GRIK4: variants seen among roughly 807,000 people sequenced by gnomAD.
The protein encoded by GRIK4 is glutamate receptor ionotropic, kainate 4.
In GRIK4, 40 loss-of-function variants were observed where a neutral mutation model predicts 104.9. That is an observed-to-expected ratio of 0.38 (90% CI 0.30 to 0.50). GRIK4 has a LOEUF of 0.50. GRIK4 is among the 20% of genes least tolerant of loss of function. The probability of loss-of-function intolerance (pLI) is 0.93; values close to 1 mark genes in which losing one functional copy is unlikely to be tolerated. For missense variants in GRIK4, 1,047 were observed against 1,308.1 expected (o/e 0.80, Z 3.08); for synonymous variants, 485 against 524.9 (o/e 0.92, Z 1.04).
chr11:120,529,996 TTCCTTCCTG>T (rs1947906363), intron 1 of GRIK4, among the ~76,000 whole-genome samples: 1 of 152,218 alleles, frequency 6.6e-6, no homozygotes, highest in Non-Finnish European at 1.5e-5. Flanking sequence ...CCACTTGCCC[TTCCTTCCTG>T]GTGGCTCAGT....
chr11:120,861,194 C>T (rs10790404), intron 8 of GRIK4, among the ~76,000 whole-genome samples: 70,558 of 148,902 alleles, frequency 0.47, 17,542 homozygotes, highest in African/African-American at 0.61. Flanking sequence ...CTGCAACCTC[C>T]GCCTCCTGGG....
At chr11:120,916,183 C>T (rs2156633) in intron 13 of GRIK4, among the ~76,000 whole-genome samples, 111,650 of 152,124 alleles carry the variant, frequency 0.73, 41,157 homozygotes, top group East Asian at 0.91. Flanking sequence ...CTTCTTATGA[C>T]CACCTCGTTT....
intron 1 of GRIK4, among the ~76,000 whole-genome samples, chr11:120,594,837 C>T (rs888649815): frequency 1.3e-5 from 2 of 152,184 alleles, no homozygotes; most frequent in Non-Finnish European, 2.9e-5. Context: ...AAGAGAATGT[C>T]TGCTGGTGGC....
chr11:120,546,740 CCT>C (rs1948088901), intron 1 of GRIK4, among the ~76,000 whole-genome samples: 1 of 152,206 alleles, frequency 6.6e-6, no homozygotes, highest in Admixed American at 6.5e-5. Context: ...CACTCCCGTT[CCT>C]GAGTCACACA....
At chr11:120,858,343 G>A (rs1188811936) in intron 8 of GRIK4, 2 of 152,092 alleles carry the variant, frequency 1.3e-5, no homozygotes, top group East Asian at 3.8e-4. Context: ...TCCGCAAAAT[G>A]TCTCCACCAC....
intron 3 of GRIK4, among the ~76,000 whole-genome samples, chr11:120,713,964 T>C (rs1565310354): frequency 6.6e-6 from 1 of 152,214 alleles, no homozygotes; most frequent in African/African-American, 2.4e-5. Context: ...TGTGCTCTGC[T>C]CTTCCTACCA....
At chr11:120,795,214 T>C (rs1032815465) in intron 3 of GRIK4, among the ~76,000 whole-genome samples, 1 of 152,230 alleles carries the variant, frequency 6.6e-6, no homozygotes, top group Non-Finnish European at 1.5e-5. Flanking sequence ...ATGGAAATCT[T>C]CAGCAGCGAG....
chr11:120,987,169 GGGA>G lies in GRIK4; in HGVS notation c.*914_*916del, dbSNP rs1270363212. ...GAATGTAGTCTCTGAAGACAGACAG[GGGA>G]GGAGAACAGAATGCACAAAGTATCC... is the stretch of plus-strand genomic sequence containing the variant. On this transcript the variant is annotated 3_prime_UTR_variant, in exon 21 of 21. Coordinates refer to ENST00000527524, the MANE Select transcript of GRIK4 (RefSeq NM_014619.5). 6.6e-6 allele frequency: 1 copy of G among 152,228 alleles called. No homozygotes were observed. The highest frequency in any genetic ancestry group is 2.4e-5 in the African/African-American group (1 of 41,448). The allele number at this position is 152,228 out of a possible 1,614,324, so 9.4% of individuals were successfully genotyped here. A position where few individuals can be genotyped will look rare whatever the true frequency, so the allele number is the denominator to read the frequency against.
At chr11:120,601,163 T>C (rs994207388) in intron 1 of GRIK4, among the ~76,000 whole-genome samples, 4 of 152,054 alleles carry the variant, frequency 2.6e-5, no homozygotes, top group Non-Finnish European at 5.9e-5. Context: ...CCCAGCACTT[T>C]GGGAGGCCGA....
chr11:120,743,960 G>C (rs1341951762), intron 3 of GRIK4, among the ~76,000 whole-genome samples: 1 of 152,214 alleles, frequency 6.6e-6, no homozygotes, highest in Non-Finnish European at 1.5e-5. Flanking sequence ...AGCACAGCGA[G>C]GCTGGTGTGG....
At chr11:120,812,748 C>A (rs915984897) in intron 4 of GRIK4, among the ~76,000 whole-genome samples, 1 of 152,192 alleles carries the variant, frequency 6.6e-6, no homozygotes, top group African/African-American at 2.4e-5. Context: ...AGGGAAGGCC[C>A]TGTGGCAACG....
At chr11:120,597,679 T>C (rs1948823138) in intron 1 of GRIK4, among the ~76,000 whole-genome samples, 1 of 152,178 alleles carries the variant, frequency 6.6e-6, no homozygotes, top group African/African-American at 2.4e-5. Flanking sequence ...CCATGCGTGC[T>C]GCCTGTTCAG....
chr11:120,826,898 TGAGGG>T (rs1953278527), intron 6 of GRIK4, among the ~76,000 whole-genome samples: 1 of 152,190 alleles, frequency 6.6e-6, no homozygotes, highest in Non-Finnish European at 1.5e-5. Context: ...GTCCCTCTGG[TGAGGG>T]TTCGCTCCAT....
At chr11:120,838,783 G>A (rs993595770) in intron 8 of GRIK4, among the ~76,000 whole-genome samples, 2 of 151,894 alleles carry the variant, frequency 1.3e-5, no homozygotes. Flanking sequence ...GTGTGTGTGT[G>A]TTTTGTTTTT....
At chr11:120,822,070 G>A (rs1953140636) in intron 6 of GRIK4, among the ~76,000 whole-genome samples, 1 of 151,942 alleles carries the variant, frequency 6.6e-6, no homozygotes, top group Non-Finnish European at 1.5e-5. Context: ...AATTAGACGG[G>A]TGTGGTGGTA....
At chr11:120,925,103 G>A (rs1197909662) in intron 13 of GRIK4, among the ~76,000 whole-genome samples, 1 of 152,198 alleles carries the variant, frequency 6.6e-6, no homozygotes, top group African/African-American at 2.4e-5. Context: ...AGCTGTAGGG[G>A]ATGGGGTGAA....
At chr11:120,592,744 C>A (rs1452684618) in intron 1 of GRIK4, among the ~76,000 whole-genome samples, 2 of 152,136 alleles carry the variant, frequency 1.3e-5, no homozygotes, top group Non-Finnish European at 2.9e-5. Context: ...TGCAAGCCCG[C>A]CTGACCTCCC....
intron 1 of GRIK4, among the ~76,000 whole-genome samples, chr11:120,603,634 TA>T (rs2135134196): frequency 6.6e-6 from 1 of 152,222 alleles, no homozygotes; most frequent in African/African-American, 2.4e-5. Context: ...ATCTTGAAAA[TA>T]AAGAAACACA....
rs1219378471 is a variant in GRIK4, at chr11:120,967,162, C to A, written c.2267-33C>A. 1.9e-6 allele frequency: 3 copies of A among 1,596,294 alleles called. No individual in the cohort carries two copies. Among genetic ancestry groups the A allele is most frequent in the Non-Finnish European group, 2.6e-6 (3 of 1,171,222 alleles). ...GTGACACCTAACAGGGCATTCACAA[C>A]CTGTGTCCTGGGCTCTCCCGTAACC... is the stretch of plus-strand genomic sequence containing the variant. On this transcript the variant is annotated intron_variant, in intron 18 of 20. Coordinates refer to ENST00000527524, the MANE Select transcript of GRIK4 (RefSeq NM_014619.5). The surrounding 1 kb of genome is among the most constrained non-coding windows in gnomAD (Gnocchi z 4.2).
Sources: allele counts gnomAD v4.1 joint callset (sites outside exome capture counted in the v4.1 genomes callset), GRCh38; gene constraint gnomAD v4.1.1; non-coding constraint Gnocchi (gnomAD v3.1); transcripts MANE v1.5; gene names NCBI Gene and HGNC (gene_info 2026-07-23, HGNC 2026-07-21).